The following PLIN1 variants were observed in gnomAD, a reference collection of about 807,000 sequenced individuals.
PLIN1 encodes the protein perilipin-1.
In PLIN1, 37 loss-of-function variants were observed where a neutral mutation model predicts 45.8. That is an observed-to-expected ratio of 0.81 (90% CI 0.62 to 1.06). The LOEUF (loss-of-function observed/expected upper bound fraction) is 1.06. Ranked by LOEUF, PLIN1 falls within the 50% of genes least tolerant of loss-of-function variation. The pLI is 0.00. For synonymous variants in PLIN1, 340 were observed against 309.2 expected (o/e 1.10, Z -1.05); for missense variants, 776 against 716.5 (o/e 1.08, Z -0.95).
chr15:89,669,452 C>G, intron 6 of PLIN1, 48 bp downstream of exon 6: 2 of 1,535,542 alleles, frequency 1.3e-6, no homozygotes, highest in Non-Finnish European at 1.8e-6. Flanking sequence ...AGGAGGCCCA[C>G]AGGGCTCCCA....
At chr15:89,677,899 C>A in intron 1 of PLIN1, 1 of 177,938 alleles carries the variant, frequency 5.6e-6, no homozygotes, top group South Asian at 1.3e-4. Flanking sequence ...TACAGGCGCC[C>A]ACCACCACGC....
rs531508714 is a variant in PLIN1, at chr15:89,677,907, C to T, written c.-14-404G>A. On this transcript the variant is annotated intron_variant, in intron 1 of 8. Transcript: ENST00000300055. ...CTGGGATTACAGGCGCCCACCACCA[C>T]GCCCGGCTAGTTTTTTTTTTTTTTT... The T allele has an allele frequency of 1.2e-3, 205 of 172,760 alleles. 2 individuals are homozygous for T. The highest frequency in any genetic ancestry group is 2.1e-3 in the Non-Finnish European group (169 of 80,908). 10.7% of individuals were successfully genotyped at this position (172,760 alleles called of 1,614,324 possible).
chr15:89,678,486 G>A (rs1400383371), intron 1 of PLIN1, among the ~76,000 whole-genome samples: 2 of 151,784 alleles, frequency 1.3e-5, no homozygotes, highest in South Asian at 2.1e-4. Flanking sequence ...CTCCAGCCTG[G>A]GTGACAGAGG....
At chr15:89,673,883 C>T (rs1014452661) in intron 2 of PLIN1, among the ~76,000 whole-genome samples, 2 of 152,248 alleles carry the variant, frequency 1.3e-5, no homozygotes, top group Non-Finnish European at 2.9e-5. Context: ...TTCCCTCCCA[C>T]AGCCCTTGCT....
At position 89,677,354 on chromosome 15, in the gene PLIN1, CT is replaced by C. The variant is rs1324589398; in HGVS notation, c.45+90del. On this transcript the variant is annotated intron_variant, in intron 2 of 8. Coordinates refer to ENST00000300055, the MANE Select transcript of PLIN1 (RefSeq NM_002666.5). ...AACTAGGATTATAATCTGGGAATAT[CT>C]TGCTCTAAGTCCCCTGCATCTCCCC... The C allele has an allele frequency of 2.4e-5, 24 of 1,014,390 alleles. No individual in the cohort carries two copies. In the Admixed American group the frequency reaches 2.9e-4, roughly 12 times the overall value. The allele number at this position is 1,014,390 out of a possible 1,614,324, so 62.8% of individuals were successfully genotyped here.
chr15:89,673,605 T>G (rs1000344415), intron 2 of PLIN1, among the ~76,000 whole-genome samples, 191 bp from the exon 3 acceptor site: 4 of 151,170 alleles, frequency 2.6e-5, no homozygotes, highest in African/African-American at 9.7e-5. Context: ...AAAACAAGAG[T>G]CAGCCGGCCA....
At chr15:89,667,472 G>A (rs1253223856) in intron 7 of PLIN1, 130 bp downstream of exon 7, 2 of 1,389,878 alleles carry the variant, frequency 1.4e-6, no homozygotes, top group Non-Finnish European at 2.0e-6. Flanking sequence ...TTTGGGGGTG[G>A]GGTGAAGGGT....
In PLIN1 at chr15:89,667,186, G is replaced by A. The variant is rs1260306848; in HGVS notation, c.964-5C>T. On this transcript the variant is annotated splice_region_variant and splice_polypyrimidine_tract_variant and intron_variant, in intron 7 of 8. Transcript: ENST00000300055. ...AGGGCCTGGCAGGGCTGCTACCTGG[G>A]GGCCAAAGCAGGGTCAGTGCCTCCT... 6.2e-7 allele frequency: 1 copy of A among 1,612,850 alleles called. No homozygotes were observed. The highest frequency in any genetic ancestry group is 2.2e-5 in the East Asian group (1 of 44,882).
chr15:89,669,512 G>T lies in PLIN1; in HGVS notation c.759C>A (p.Gly253=), dbSNP rs370130257. The change falls in exon 6 of 9, where the codon GGC becomes GGA. Residue 253 remains glycine, a synonymous_variant. Coordinates refer to ENST00000300055, the MANE Select transcript of PLIN1 (RefSeq NM_002666.5). ...GGCAGATACTTACCAGGGGCACCAC[G>T]CCTGGGATCCACATGGCCACGGTGT... ...QGHTVAMWIP[G]VVPLSSLAQW... is the part of the protein sequence containing the mutation. 6.2e-7 allele frequency: 1 copy of T among 1,612,282 alleles called. No individual in the cohort carries two copies.
Position 89,664,807 on chromosome 15 carries a change from C to G in PLIN1, c.*776G>C. The G allele has an allele frequency of 2.3e-6, 1 of 441,970 alleles. No homozygotes were observed. The highest frequency in any genetic ancestry group is 3.3e-4 in the Middle Eastern group (1 of 3,012). 27.4% of individuals were successfully genotyped at this position (441,970 alleles called of 1,614,324 possible). The stretch of plus-strand genomic sequence containing the variant: ...TTATCAAATATTAACATTTCGAAGA[C>G]TAGGGTTGGGGATGAACTGTGGCTA... On this transcript the variant is annotated 3_prime_UTR_variant, in exon 9 of 9. Coordinates refer to ENST00000300055, the MANE Select transcript of PLIN1 (RefSeq NM_002666.5).
rs1358580375 is a variant in PLIN1 at position 89,666,001 on chromosome 15, C to T, written c.1210-59G>A. ...TTGGCCCTGGGCCCTGCGCCTCTGA[C>T]CCACCGCCCCTTCCCGGGCCCCTCG... On this transcript the variant is annotated intron_variant, in intron 8 of 8. Coordinates refer to ENST00000300055, the MANE Select transcript of PLIN1 (RefSeq NM_002666.5). 8.7e-6 allele frequency: 11 copies of T among 1,262,098 alleles called. No homozygotes were observed. The South Asian group carries it at 1.6e-4, about 19-fold the overall frequency. 78.2% of individuals were successfully genotyped at this position (1,262,098 alleles called of 1,614,324 possible). A position where few individuals can be genotyped will look rare whatever the true frequency, so the allele number is the denominator to read the frequency against.
At chr15:89,672,309 G>A (rs1964452874) in intron 3 of PLIN1, among the ~76,000 whole-genome samples, 1 of 152,230 alleles carries the variant, frequency 6.6e-6, no homozygotes, top group South Asian at 2.1e-4. Flanking sequence ...TGGCCAATGG[G>A]GGCCACAGCT....
At position 89,667,833 on chromosome 15, in the gene PLIN1, C is replaced by G; in HGVS notation, c.772-40G>C. ...CAGCAGATAGCTGGCTCAACTGCCC[C>G]TGCTGAAGGCCAGGGAGCCCCAGCA... On this transcript the variant is annotated intron_variant, in intron 6 of 8. Coordinates refer to ENST00000300055, the MANE Select transcript of PLIN1 (RefSeq NM_002666.5). 1.9e-6 allele frequency: 3 copies of G among 1,541,766 alleles called. No individual in the cohort carries two copies. The South Asian group carries it at 3.6e-5, about 18-fold the overall frequency.
At chr15:89,665,979 G>T (rs1404392353) in intron 8 of PLIN1, 37 bp from the exon 9 acceptor site, 2 of 1,405,968 alleles carry the variant, frequency 1.4e-6, no homozygotes, top group Admixed American at 4.8e-5. Context: ...TCCTGGCTTG[G>T]CCCTGGGCCC....
intron 4 of PLIN1, among the ~76,000 whole-genome samples, chr15:89,670,482 C>T (rs1280265214): frequency 6.6e-6 from 1 of 152,188 alleles, no homozygotes; most frequent in Non-Finnish European, 1.5e-5. Flanking sequence ...CACAGCCTGT[C>T]AAGATCCCTC....
At chr15:89,667,204 T>C (rs747529357) in intron 7 of PLIN1, 23 bp from the exon 8 acceptor site, 3 of 1,612,034 alleles carry the variant, frequency 1.9e-6, no homozygotes, top group Non-Finnish European at 2.5e-6. Flanking sequence ...GCAGGGTCAG[T>C]GCCTCCTGTG....
rs1596040347 is a variant in PLIN1 at position 89,669,389 on chromosome 15, G to A, written c.771+111C>T. The A allele has an allele frequency of 4.1e-6, 4 of 965,778 alleles. No homozygotes were observed. The Admixed American group carries it at 5.1e-5, about 12-fold the overall frequency. The allele number at this position is 965,778 out of a possible 1,614,324, so 59.8% of individuals were successfully genotyped here. A position where few individuals can be genotyped will look rare whatever the true frequency, so the allele number is the denominator to read the frequency against. ...ACTGAAGCCCCAGCCCACGTTGGAA[G>A]AGAGAATGTTCTCAGGACAGGAAGG... is the stretch of plus-strand genomic sequence containing the variant. On this transcript the variant is annotated intron_variant, in intron 6 of 8. Coordinates refer to ENST00000300055, the MANE Select transcript of PLIN1 (RefSeq NM_002666.5).
At position 89,665,876 on chromosome 15, in the gene PLIN1, C is replaced by A. The variant is rs777863123; in HGVS notation, c.1276G>T (p.Val426Phe). The change falls in exon 9 of 9, where the codon GTC (valine) becomes TTC (phenylalanine). Residue 426 changes from valine (V) to phenylalanine (F), a missense_variant. By Grantham distance (50) the Val-to-Phe change is conservative (BLOSUM62 -1). Transcript: ENST00000300055. The part of the protein sequence containing the change: ...FRDIDNPPAE[V>F]ERREAERRAS... Reference sequence around the variant, plus strand: ...CTGCGCTCCGCCTCCCGGCGCTCGACCTCGGCTGGTGGGTTGTCGATGTCC... The same window carrying A: ...CTGCGCTCCGCCTCCCGGCGCTCGAACTCGGCTGGTGGGTTGTCGATGTCC... The A allele has an allele frequency of 6.6e-7, 1 of 1,517,064 alleles. No individual in the cohort carries two copies. Among genetic ancestry groups the A allele is most frequent in the South Asian group, 1.2e-5 (1 of 81,366 alleles). 94.0% of individuals were successfully genotyped at this position (1,517,064 alleles called of 1,614,324 possible).
intron 4 of PLIN1, 94 bp from the exon 5 acceptor site, chr15:89,670,338 G>C: frequency 7.5e-7 from 1 of 1,335,790 alleles, no homozygotes; most frequent in East Asian, 2.4e-5. Flanking sequence ...CCAGCTCCCA[G>C]GAAGGCATCA....
Sources: gnomAD v4.1 joint callset for allele counts (sites outside exome capture counted in the v4.1 genomes callset) on GRCh38, gnomAD v4.1.1 for gene constraint, MANE v1.5 for transcripts, NCBI Gene and HGNC (gene_info 2026-07-23, HGNC 2026-07-21) for gene names.